The following EPB42 variants were observed in gnomAD, a reference collection of about 807,000 sequenced individuals.
EPB42 encodes erythrocyte membrane protein band 4.2.
A neutral mutation model predicts 76.9 loss-of-function variants in EPB42; 49 were observed. The observed-to-expected ratio is 0.64, with a 90% CI of 0.51 to 0.81. The LOEUF (loss-of-function observed/expected upper bound fraction) is 0.81, where lower values mean the gene tolerates loss of function less well. Ranked by LOEUF, EPB42 falls within the 30% of genes least tolerant of loss-of-function variation. The pLI is 0.00. For missense variants in EPB42, 731 were observed against 867.6 expected (o/e 0.84, Z 1.98); for synonymous variants, 310 against 338.4 (o/e 0.92, Z 0.92).
chr15:43,204,113 C>T (rs1165402280), intron 10 of EPB42, among the ~76,000 whole-genome samples: 1 of 152,172 alleles, frequency 6.6e-6, no homozygotes, highest in African/African-American at 2.4e-5. Flanking sequence ...CCCAGCCTCA[C>T]CTTTTCCTGT....
chr15:43,210,146 C>T (rs2042270989), intron 5 of EPB42, among the ~76,000 whole-genome samples, 189 bp downstream of exon 5: 1 of 152,156 alleles, frequency 6.6e-6, no homozygotes, highest in Admixed American at 6.5e-5. Context: ...TTGCTTTTCT[C>T]CCCGCTGTGG....
chr15:43,197,236 C>G lies in EPB42; in HGVS notation c.*66G>C. On this transcript the variant is annotated 3_prime_UTR_variant, in exon 13 of 13. Transcript: ENST00000441366. ...ACACTGAGACGCAAAGTTTCTCTTC[C>G]TAGCACATGTTTGGTTTAGATTGTA... 1.2e-6 allele frequency: 2 copies of G among 1,606,004 alleles called. No homozygotes were observed. Among genetic ancestry groups the G allele is most frequent in the South Asian group, 1.1e-5 (1 of 90,380 alleles).
intron 4 of EPB42, among the ~76,000 whole-genome samples, chr15:43,210,714 G>C (rs760154920): frequency 1.3e-5 from 2 of 152,102 alleles, no homozygotes; most frequent in Non-Finnish European, 2.9e-5. Flanking sequence ...TCGGGGACCC[G>C]TGCTGTACTG....
At chr15:43,209,693 G>T in intron 5 of EPB42, 2 of 502,674 alleles carry the variant, frequency 4.0e-6, no homozygotes, top group Non-Finnish European at 7.0e-6. Context: ...CAGCCACAAA[G>T]AGGAGCATTA....
In EPB42 at chr15:43,216,743, TTAA is replaced by T. The variant is rs1324591082; in HGVS notation, c.11-293_11-291del. ...GAAACTGTTGTTGTTGTTATTATTATTAATAAGTGCGTTGCTTACTCTCATTGT... is the reference window on the plus strand; with the variant it reads ...GAAACTGTTGTTGTTGTTATTATTATTAAGTGCGTTGCTTACTCTCATTGT... On this transcript the variant is annotated intron_variant, in intron 1 of 12. Transcript: ENST00000441366. 2.0e-5 allele frequency among the ~76,000 whole-genome samples: 3 copies of T among 152,320 alleles called. No individual in the cohort carries two copies. The East Asian group carries it at 5.8e-4, about 29-fold the overall frequency.
chr15:43,221,111 C>T (rs952998054), upstream of EPB42: 2 of 444,984 alleles, frequency 4.5e-6, no homozygotes, highest in Non-Finnish European at 8.3e-6. Flanking sequence ...AGGAATACGC[C>T]TGGCAGCCCT....
upstream of EPB42, among the ~76,000 whole-genome samples, chr15:43,224,365 G>C (rs2042489346): frequency 6.6e-6 from 1 of 152,120 alleles, no homozygotes; most frequent in Non-Finnish European, 1.5e-5. Flanking sequence ...AATTTTTGGG[G>C]AGGACACAAT....
In EPB42 at chr15:43,206,308, T is replaced by G. The variant is rs894894144; in HGVS notation, c.1618+22A>C. 2 of 1,591,612 alleles carry G rather than the reference T, an allele frequency of 1.3e-6. No individual in the cohort carries two copies. Among genetic ancestry groups the G allele is most frequent in the Non-Finnish European group, 1.7e-6 (2 of 1,164,886 alleles). ...GTGTGTGTGTGTGTCGGGGGGTGTCTGGTGGGGCCATAGAGCATTACCCAG... is the reference window on the plus strand; with the variant it reads ...GTGTGTGTGTGTGTCGGGGGGTGTCGGGTGGGGCCATAGAGCATTACCCAG... On this transcript the variant is annotated intron_variant, in intron 10 of 12. Coordinates refer to ENST00000441366, the MANE Select transcript of EPB42 (RefSeq NM_001114134.2). The surrounding 1 kb of genome is among the most constrained non-coding windows in gnomAD (Gnocchi z 4.7).
At position 43,215,185 on chromosome 15, in the gene EPB42, T is replaced by C; in HGVS notation, c.340A>G (p.Ile114Val). Residue 114 changes from isoleucine (I) to valine (V), a missense_variant, in exon 3 of 13, where the codon ATT (isoleucine) becomes GTT (valine). Transcript: ENST00000441366. The stretch of plus-strand genomic sequence containing the variant: ...TGCAGCAGAAGCGAGTAGTGGCCAA[T>C]GACAGCGTCCGCAGGTGTGGTCACA... ...ISVTTPADAV[I>V]GHYSLLLQVS... 6.2e-7 allele frequency: 1 copy of C among 1,614,226 alleles called. No individual in the cohort carries two copies. The highest frequency in any genetic ancestry group is 1.1e-5 in the South Asian group (1 of 91,082).
chr15:43,213,894 G>C (rs2042337207), intron 3 of EPB42, among the ~76,000 whole-genome samples: 1 of 152,226 alleles, frequency 6.6e-6, no homozygotes, highest in South Asian at 2.1e-4. Context: ...GAAGTGGAGA[G>C]AGAACCCACT....
In EPB42 at chr15:43,209,405, T is replaced by C. The variant is rs775072758; in HGVS notation, c.701A>G (p.Gln234Arg). The C allele has an allele frequency of 3.6e-5, 58 of 1,613,470 alleles. No individual in the cohort carries two copies. The highest frequency in any genetic ancestry group is 4.7e-5 in the Non-Finnish European group (55 of 1,179,750). Residue 234 changes from glutamine to arginine, a missense_variant, in exon 6 of 13, where the codon CAG becomes CGG. Physicochemically the swap from Gln to Arg is conservative, Grantham distance 43 (BLOSUM62 1). Transcript: ENST00000441366. ...CAGCAAGGCCCCTTCCTGGGTGGCC[T>C]GGGTCTGCGGGGTGGGCAGGACCCT... Reference protein sequence around the residue: ...EQRVLPTPQTQATQEGALLNK... With the variant: ...EQRVLPTPQTRATQEGALLNK...
At position 43,217,791 on chromosome 15, in the gene EPB42, T is replaced by C. The variant is rs145909081; in HGVS notation, c.11-1338A>G. Among the ~76,000 whole-genome samples the C allele has an allele frequency of 2.0e-4, 30 of 152,270 alleles. 1 individual carries two copies. Among genetic ancestry groups the C allele is most frequent in the Admixed American group, 2.0e-3 (30 of 15,298 alleles). ...CCTTTAGACTACAAGACGGATCTTG[T>C]CAAATTCAGGATACTCCTACTTCAA... is the stretch of plus-strand genomic sequence containing the variant. On this transcript the variant is annotated intron_variant, in intron 1 of 12. Coordinates refer to ENST00000441366, the MANE Select transcript of EPB42 (RefSeq NM_001114134.2).
upstream of EPB42, among the ~76,000 whole-genome samples, chr15:43,222,280 T>C (rs1430504177): frequency 6.6e-6 from 1 of 152,184 alleles, no homozygotes; most frequent in East Asian, 1.9e-4. Flanking sequence ...ACCAAAAGTA[T>C]AGAAGCCAAT....
At chr15:43,200,447 T>C (rs1418034068) in intron 12 of EPB42, among the ~76,000 whole-genome samples, 1 of 152,106 alleles carries the variant, frequency 6.6e-6, no homozygotes, top group Non-Finnish European at 1.5e-5. Context: ...AAGGGACTAA[T>C]ACCTGGACTA....
intron 11 of EPB42, 121 bp downstream of exon 11, chr15:43,202,994 T>G: frequency 8.0e-7 from 1 of 1,246,490 alleles, no homozygotes; most frequent in Non-Finnish European, 1.2e-6. Context: ...AGCTCTTAAA[T>G]GTAGCATTTT....
intron 10 of EPB42, among the ~76,000 whole-genome samples, chr15:43,205,588 C>T (rs1010856726): frequency 2.0e-5 from 3 of 151,978 alleles, no homozygotes; most frequent in African/African-American, 4.8e-5. Flanking sequence ...TTAGTAGAGT[C>T]GGGGTTTCAC....
At chr15:43,210,990 G>C (rs1178554599) in intron 4 of EPB42, among the ~76,000 whole-genome samples, 1 of 152,180 alleles carries the variant, frequency 6.6e-6, no homozygotes, top group African/African-American at 2.4e-5. Flanking sequence ...AGAAGGTCTT[G>C]AGAGATGGGT....
chr15:43,219,050 A>G (rs2042419776), intron 1 of EPB42, among the ~76,000 whole-genome samples: 1 of 152,220 alleles, frequency 6.6e-6, no homozygotes, highest in South Asian at 2.1e-4. Context: ...TTCTGTGTTT[A>G]ACGACTGGCT....
rs2042200592 is a variant in EPB42 at position 43,206,165 on chromosome 15, A to G, written c.1618+165T>C. ...TTTTTTCCTGCTTCAGGCCCAATAA[A>G]TATGTGTTGAATGAATGAATGAGAG... On this transcript the variant is annotated intron_variant, in intron 10 of 12. Coordinates refer to ENST00000441366, the MANE Select transcript of EPB42 (RefSeq NM_001114134.2). The surrounding 1 kb of genome is among the most constrained non-coding windows in gnomAD (Gnocchi z 4.7). 3 of 721,668 alleles carry G rather than the reference A, an allele frequency of 4.2e-6. No individual in the cohort carries two copies. The highest frequency in any genetic ancestry group is 6.5e-6 in the Non-Finnish European group (3 of 460,056). 44.7% of individuals were successfully genotyped at this position (721,668 alleles called of 1,614,324 possible).
Sources: allele counts gnomAD v4.1 joint callset (sites outside exome capture counted in the v4.1 genomes callset), GRCh38; gene constraint gnomAD v4.1.1; non-coding constraint Gnocchi (gnomAD v3.1); transcripts MANE v1.5; gene names NCBI Gene and HGNC (gene_info 2026-07-23, HGNC 2026-07-21).